Variants in PTK2B observed in about 807,000 individuals in gnomAD.
PTK2B encodes protein tyrosine kinase 2 beta.
PTK2B carries 71 observed loss-of-function variants against 142.9 expected under a neutral mutation model. The ratio of observed to expected loss-of-function variants is 0.50; its 90% CI spans 0.41 to 0.61. PTK2B has a LOEUF of 0.61. Among genes scored for constraint, PTK2B ranks in the 20% least tolerant of loss-of-function variants. PTK2B has a pLI of 0.00. For synonymous variants in PTK2B, 519 were observed against 503.4 expected (o/e 1.03, Z -0.42); for missense variants, 1,105 against 1,320.4 (o/e 0.84, Z 2.53).
chr8:27,412,153 C>G (rs1320524695), intron 2 of PTK2B, among the ~76,000 whole-genome samples: 1 of 141,214 alleles, frequency 7.1e-6, no homozygotes, highest in Non-Finnish European at 1.6e-5. Context: ...CCTTATTATA[C>G]AGGCATCGTT....
intron 23 of PTK2B, among the ~76,000 whole-genome samples, chr8:27,444,698 C>G (rs1317672612): frequency 6.6e-6 from 1 of 152,152 alleles, no homozygotes; most frequent in East Asian, 1.9e-4. Context: ...TGAGCTTTCT[C>G]CCAGCTCCAT....
chr8:27,443,923 G>T (rs2132303465), intron 22 of PTK2B, among the ~76,000 whole-genome samples: 1 of 152,270 alleles, frequency 6.6e-6, no homozygotes, highest in African/African-American at 2.4e-5. Flanking sequence ...TGACTTGGTG[G>T]GTGCTCCCAC....
intron 1 of PTK2B, among the ~76,000 whole-genome samples, chr8:27,378,601 C>CCGTGTGTGTG (rs1234594101): frequency 9.4e-5 from 14 of 148,170 alleles, no homozygotes; most frequent in African/African-American, 3.5e-4. Context: ...TACAGCTTAT[C>CCGTGTGTGTG]TGTGTGTGTG....
intron 20 of PTK2B, 114 bp downstream of exon 20, chr8:27,439,512 T>C: frequency 8.4e-7 from 1 of 1,194,160 alleles, no homozygotes; most frequent in Non-Finnish European, 1.2e-6. Context: ...GTTCCCAGGG[T>C]TCTATTTTGC....
In PTK2B at chr8:27,419,921, C is replaced by T. The variant is rs144837322; in HGVS notation, c.231C>T (p.Ser77=). ...AGATCATCACCTCCATCCTGCTGAG[C>T]GGGCGGATCGGGCCCAACATCCGGT... is the stretch of plus-strand genomic sequence containing the variant. ...IREIITSILL[S]GRIGPNIRLA... The change falls in exon 3 of 31, where the codon AGC becomes AGT. Residue 77 remains serine, a synonymous_variant. Coordinates refer to ENST00000346049, the MANE Select transcript of PTK2B (RefSeq NM_173176.3). 148 of 1,614,174 alleles carry T rather than the reference C, an allele frequency of 9.2e-5. No homozygotes were observed. In the African/African-American group the frequency reaches 1.6e-3, roughly 17 times the overall value.
At chr8:27,347,818 G>C (rs1295185967) in intron 1 of PTK2B, among the ~76,000 whole-genome samples, 1 of 152,180 alleles carries the variant, frequency 6.6e-6, no homozygotes, top group African/African-American at 2.4e-5. Context: ...ACTTTACCTA[G>C]TCTCTGCAAT....
chr8:27,352,457 C>A (rs564221495), intron 1 of PTK2B, among the ~76,000 whole-genome samples: 88 of 152,292 alleles, frequency 5.8e-4, no homozygotes, highest in African/African-American at 2.0e-3. Context: ...ATCTACTTAA[C>A]GTCTTCAGGG....
chr8:27,311,303 C>G (rs7006183), upstream of PTK2B: 1 of 1,438,904 alleles, frequency 6.9e-7, no homozygotes, highest in Non-Finnish European at 9.1e-7. Context: ...CGGCTGCCAA[C>G]GCCCGCGACC....
rs117802719 is a variant in PTK2B, at chr8:27,410,738, G to T, written c.205-9157G>T. 2.5e-4 allele frequency among the ~76,000 whole-genome samples: 38 copies of T among 152,236 alleles called. No homozygotes were observed. In the East Asian group the frequency reaches 7.1e-3, roughly 29 times the overall value. On this transcript the variant is annotated intron_variant, in intron 2 of 30. Coordinates refer to ENST00000346049, the MANE Select transcript of PTK2B (RefSeq NM_173176.3). The stretch of plus-strand genomic sequence containing the variant: ...TTCATTCAACCACCTTTTCCTTTTT[G>T]GAAGTAGATTATCCAGAGCACAGAG...
At chr8:27,317,388 G>A (rs1471706759) in intron 3 of PTK2B, among the ~76,000 whole-genome samples, 1 of 152,158 alleles carries the variant, frequency 6.6e-6, no homozygotes, top group African/African-American at 2.4e-5. Flanking sequence ...CCATTTGATA[G>A]GCAGTGACCT....
rs199551006 is a variant in PTK2B at position 27,434,527 on chromosome 8, G to C, written c.1160G>C (p.Arg387Pro). ...PQIPMLNLEARRSHLSESCSI... is the reference protein window; with the variant it reads ...PQIPMLNLEAPRSHLSESCSI... ...ACCTCCTACAGAAACCTGGAGGCCC[G>C]GCGGTCCCACCTCTCAGAGAGCTGC... Residue 387 changes from arginine to proline, a missense_variant, in exon 13 of 31, where the codon CGG becomes CCG. Coordinates refer to ENST00000346049, the MANE Select transcript of PTK2B (RefSeq NM_173176.3). 9 of 1,608,742 alleles carry C rather than the reference G, an allele frequency of 5.6e-6. No individual in the cohort carries two copies. Among genetic ancestry groups the C allele is most frequent in the Non-Finnish European group, 4.2e-6 (5 of 1,177,788 alleles).
At chr8:27,324,590 C>T (rs1803310399), upstream of PTK2B, among the ~76,000 whole-genome samples, 1 of 152,236 alleles carries the variant, frequency 6.6e-6, no homozygotes, top group Non-Finnish European at 1.5e-5. Context: ...GCTTCCTCAG[C>T]ACAACTCCAG....
At chr8:27,337,662 C>T (rs1804156057) in intron 1 of PTK2B, among the ~76,000 whole-genome samples, 1 of 152,186 alleles carries the variant, frequency 6.6e-6, no homozygotes, top group South Asian at 2.1e-4. Context: ...TTTGAAACTT[C>T]CTCCATGTTG....
At chr8:27,442,224 A>G (rs895879962) in intron 21 of PTK2B, among the ~76,000 whole-genome samples, 2 of 152,252 alleles carry the variant, frequency 1.3e-5, no homozygotes, top group Admixed American at 6.5e-5. Flanking sequence ...AATAAAATAT[A>G]TACACACTTG....
intron 21 of PTK2B, 58 bp downstream of exon 21, chr8:27,440,499 GA>G (rs1807954077): frequency 6.4e-7 from 1 of 1,562,480 alleles, no homozygotes; most frequent in African/African-American, 1.4e-5. Context: ...CAGGGAGCAA[GA>G]CCAGCACACA....
At chr8:27,410,235 G>T (rs1808976334) in intron 2 of PTK2B, among the ~76,000 whole-genome samples, 2 of 152,378 alleles carry the variant, frequency 1.3e-5, no homozygotes, top group South Asian at 2.1e-4. Context: ...GAGGAAGCGT[G>T]TTGATGGGAG....
intron 2 of PTK2B, among the ~76,000 whole-genome samples, chr8:27,414,904 T>G (rs2131724377): frequency 6.6e-6 from 1 of 152,132 alleles, no homozygotes; most frequent in South Asian, 2.1e-4. Flanking sequence ...CTTTGACCCC[T>G]GACCTTGCCA....
chr8:27,385,308 GGCT>G (rs1807281470), intron 1 of PTK2B, among the ~76,000 whole-genome samples: 1 of 152,172 alleles, frequency 6.6e-6, no homozygotes, highest in Non-Finnish European at 1.5e-5. Context: ...AAGGTCTCAG[GGCT>G]GGAGAGGAAA....
intron 3 of PTK2B, among the ~76,000 whole-genome samples, chr8:27,316,457 T>A (rs1803097920): frequency 6.6e-6 from 1 of 152,214 alleles, no homozygotes; most frequent in African/African-American, 2.4e-5. Context: ...GAAGAAGATA[T>A]ACCACACTAA....
Sources: allele counts gnomAD v4.1 joint callset (sites outside exome capture counted in the v4.1 genomes callset), GRCh38; gene constraint gnomAD v4.1.1; transcripts MANE v1.5; gene names NCBI Gene and HGNC (gene_info 2026-07-23, HGNC 2026-07-21).